Variants in FLCN observed in about 807,000 individuals in gnomAD.
FLCN encodes BHD skin lesion fibrofolliculoma protein.
A neutral mutation model predicts 62.5 loss-of-function variants in FLCN; 22 were observed. That is an observed-to-expected ratio of 0.35 (90% CI 0.25 to 0.50). The LOEUF (loss-of-function observed/expected upper bound fraction) is 0.50. Ranked by LOEUF, FLCN falls within the 20% of genes least tolerant of loss-of-function variation. The pLI is 0.97. For missense variants in FLCN, 657 were observed against 778.0 expected (o/e 0.84, Z 1.85); for synonymous variants, 319 against 310.0 (o/e 1.03, Z -0.30).
chr17:17,220,970 G>A (rs971803013), intron 8 of FLCN: 13 of 385,516 alleles, frequency 3.4e-5, no homozygotes, highest in Admixed American at 8.4e-5. Flanking sequence ...AACAATGGTC[G>A]TACCACAGAC....
chr17:17,221,056 A>G (rs2047069656), intron 8 of FLCN: 3 of 872,956 alleles, frequency 3.4e-6, no homozygotes, highest in Non-Finnish European at 4.8e-6. Flanking sequence ...GCTGGTGCAC[A>G]CAGTGCCACG....
intron 10 of FLCN, 31 bp downstream of exon 10, chr17:17,217,038 C>A (rs41340844): frequency 1.3e-6 from 2 of 1,502,472 alleles, no homozygotes; most frequent in Non-Finnish European, 9.3e-7. Flanking sequence ...TACTGCCCTG[C>A]GCCGCACACC....
Position 17,226,305 on chromosome 17 carries a change from A to G in FLCN, c.267T>C (p.Ala89=), listed in dbSNP as rs1164330919. Reference sequence around the variant, plus strand: ...GGCTGATATATCCCGGGTGCCCTGCAGCAAGTGACCGGCAGCCCTGTCCAT... The same window carrying G: ...GGCTGATATATCCCGGGTGCCCTGCGGCAAGTGACCGGCAGCCCTGTCCAT... The part of the protein sequence containing the change: ...SDMCEGCRSL[A]AGHPGYISHD... The change falls in exon 5 of 14, where the codon GCT becomes GCC. Residue 89 remains alanine (A), a synonymous_variant. Transcript: ENST00000285071. 6.2e-7 allele frequency: 1 copy of G among 1,614,226 alleles called. No homozygotes were observed.
Position 17,216,531 on chromosome 17 carries a change from A to C in FLCN, c.1177-28T>G. 1.2e-6 allele frequency: 2 copies of C among 1,613,160 alleles called. No homozygotes were observed. The highest frequency in any genetic ancestry group is 1.7e-6 in the Non-Finnish European group (2 of 1,179,790). ...GAGGAGGACAGCAGGACTCAGACCA[A>C]GGACACGAGGAAGCCCTCAGCCCCG... On this transcript the variant is annotated intron_variant, in intron 10 of 13. Transcript: ENST00000285071. This position sits in a 1 kb window ranked among gnomAD's most constrained non-coding sequence, Gnocchi z 4.0.
intron 4 of FLCN, among the ~76,000 whole-genome samples, chr17:17,226,825 T>A (rs897462884): frequency 6.6e-6 from 1 of 152,140 alleles, no homozygotes; most frequent in Admixed American, 6.5e-5. Flanking sequence ...AGCTCCAGGA[T>A]GTTGGTGTGG....
intron 1 of FLCN, chr17:17,236,123 C>T (rs1240161324): frequency 6.6e-6 from 1 of 152,252 alleles, no homozygotes; most frequent in Non-Finnish European, 1.5e-5. Flanking sequence ...CAGCAGTGGA[C>T]ACACAGCTTC....
rs773986076 is a variant in FLCN, at chr17:17,216,401, G to T, written c.1279C>A (p.Pro427Thr). 4 of 1,613,502 alleles carry T rather than the reference G, an allele frequency of 2.5e-6. No homozygotes were observed. In the Admixed American group the frequency reaches 5.0e-5, roughly 20 times the overall value. ...GCACCTGAGGAGAGCACGTGGGGGG[G>T]GATCTGCACGTGCGGGCTGAGCCCC... ...FLGLSPHVQI[P>T]PHVLSSEFAV... The change falls in exon 11 of 14, where the codon CCC becomes ACC. Residue 427 changes from proline (P) to threonine (T), a missense_variant. By Grantham distance (38) the Pro-to-Thr change is conservative (BLOSUM62 -1). Coordinates refer to ENST00000285071, the MANE Select transcript of FLCN (RefSeq NM_144997.7). The surrounding 1 kb of genome is among the most constrained non-coding windows in gnomAD (Gnocchi z 4.0).
In FLCN at chr17:17,228,105, G is replaced by C. The variant is rs754616167; in HGVS notation, c.33C>G (p.Cys11Trp). 6.2e-7 allele frequency: 1 copy of C among 1,613,254 alleles called. No individual in the cohort carries two copies. The highest frequency in any genetic ancestry group is 8.5e-7 in the Non-Finnish European group (1 of 1,180,022). Residue 11 changes from cysteine to tryptophan, a missense_variant, in exon 4 of 14, where the codon TGC (cysteine) becomes TGG (tryptophan). Physicochemically the swap from Cys to Trp is radical, Grantham distance 215 (BLOSUM62 -2). Transcript: ENST00000285071. MNAIVALCHF[C>W]ELHGPRTLFC... ...AGAGAGTGCGGGGGCCGTGGAGCTC[G>C]CAGAAGTGGCAGAGAGCCACGATGG... is the stretch of plus-strand genomic sequence containing the variant.
chr17:17,213,477 T>C lies in FLCN; in HGVS notation c.*178A>G, dbSNP rs145430714. On this transcript the variant is annotated 3_prime_UTR_variant, in exon 14 of 14. Coordinates refer to ENST00000285071, the MANE Select transcript of FLCN (RefSeq NM_144997.7). ...GCGATTCCAACGGCTGGAGGGAGAG[T>C]CTGGGAAGCACACAGGCCCCAAACC... 253 of 751,630 alleles carry C rather than the reference T, an allele frequency of 3.4e-4. 1 individual carries two copies. In the East Asian group the frequency reaches 5.7e-3, roughly 17 times the overall value. 46.6% of individuals were successfully genotyped at this position (751,630 alleles called of 1,614,324 possible).
chr17:17,215,176 G>A lies in FLCN; in HGVS notation c.1432+9C>T, dbSNP rs751683346. ...TCACAAAAAGGACACTCTGCCTGGG[G>A]GCACCCACCTCGGTCTGCAGCTACA... On this transcript the variant is annotated intron_variant, in intron 12 of 13. Coordinates refer to ENST00000285071, the MANE Select transcript of FLCN (RefSeq NM_144997.7). 2.5e-6 allele frequency: 4 copies of A among 1,613,958 alleles called. No individual in the cohort carries two copies. Among genetic ancestry groups the A allele is most frequent in the South Asian group, 1.1e-5 (1 of 91,090 alleles).
chr17:17,219,283 TG>T, intron 8 of FLCN, 74 bp from the exon 9 acceptor site: 1 of 1,291,540 alleles, frequency 7.7e-7, no homozygotes, highest in Non-Finnish European at 1.0e-6. Context: ...AGATACTTCA[TG>T]GGCTGAGCCG....
Position 17,213,739 on chromosome 17 carries a change from G to A in FLCN, c.1656C>T (p.Phe552=), listed in dbSNP as rs2144808664. 6.2e-7 allele frequency: 1 copy of A among 1,614,246 alleles called. No homozygotes were observed. Among genetic ancestry groups the A allele is most frequent in the South Asian group, 1.1e-5 (1 of 91,084 alleles). The stretch of plus-strand genomic sequence containing the variant: ...AGGTCTTGCTCAGGCCAGTCATCCA[G>A]AACTTCAGCAGCTTGACATTGTCCT... ...SEEDNVKLLK[F]WMTGLSKTYK... is the part of the protein sequence containing the mutation. The change falls in exon 14 of 14, where the codon TTC becomes TTT. Residue 552 remains phenylalanine (F), a synonymous_variant. Transcript: ENST00000285071.
chr17:17,225,937 G>A (rs762571008), intron 5 of FLCN: 8 of 644,710 alleles, frequency 1.2e-5, no homozygotes, highest in African/African-American at 5.5e-5. Flanking sequence ...ATAAAAGTTC[G>A]GTGCTTAAAG....
chr17:17,234,302 C>A (rs2145126650), intron 1 of FLCN, among the ~76,000 whole-genome samples: 1 of 151,168 alleles, frequency 6.6e-6, no homozygotes, highest in African/African-American at 2.4e-5. Flanking sequence ...ACCTCCGCCT[C>A]CCAGGTTCAA....
Position 17,215,193 on chromosome 17 carries a change from G to A in FLCN, c.1424C>T (p.Ala475Val), listed in dbSNP as rs2144836805. The change falls in exon 12 of 14, where the codon GCA (alanine) becomes GTA (valine). Residue 475 changes from alanine to valine, a missense_variant. Physicochemically the swap from Ala to Val is moderately conservative, Grantham distance 64. Coordinates refer to ENST00000285071, the MANE Select transcript of FLCN (RefSeq NM_144997.7). ...TGCCTGGGGGCACCCACCTCGGTCT[G>A]CAGCTACAGGGCTCCCACTGGTCAC... ...FVVTSGSPVA[A>V]DRVGPTILNK... 1.2e-6 allele frequency: 2 copies of A among 1,614,160 alleles called. No individual in the cohort carries two copies. The highest frequency in any genetic ancestry group is 1.7e-6 in the Non-Finnish European group (2 of 1,180,030).
Position 17,213,605 on chromosome 17 carries a change from A to G in FLCN, c.*50T>C, listed in dbSNP as rs1216575721. 1 of 1,609,548 alleles carries G rather than the reference A, an allele frequency of 6.2e-7. No individual in the cohort carries two copies. The highest frequency in any genetic ancestry group is 1.1e-5 in the South Asian group (1 of 90,966). On this transcript the variant is annotated 3_prime_UTR_variant, in exon 14 of 14. Transcript: ENST00000285071. Reference sequence around the variant, plus strand: ...GGGACAGTCCCTCTCACGGGGCTGGAGGATCCTGTGGACAGCCATCCCTGT... The same window carrying G: ...GGGACAGTCCCTCTCACGGGGCTGGGGGATCCTGTGGACAGCCATCCCTGT...
intron 5 of FLCN, chr17:17,225,222 A>C (rs1243731281): frequency 6.6e-6 from 1 of 152,296 alleles, no homozygotes; most frequent in African/African-American, 2.4e-5. Flanking sequence ...GATAATAAAA[A>C]AAGGTGATGT....
intron 7 of FLCN, 38 bp downstream of exon 7, chr17:17,222,463 A>G: frequency 6.2e-7 from 1 of 1,613,858 alleles, no homozygotes; most frequent in Non-Finnish European, 8.5e-7. Flanking sequence ...TGACTGCTCT[A>G]TCCTAACAGA....
Position 17,226,269 on chromosome 17 carries a change from C to G in FLCN, c.303G>C (p.Glu101Asp), listed in dbSNP as rs910566279. Residue 101 changes from glutamate (E) to aspartate (D), a missense_variant, in exon 5 of 14, where the codon GAG becomes GAC. By Grantham distance (45) the Glu-to-Asp change is conservative. Coordinates refer to ENST00000285071, the MANE Select transcript of FLCN (RefSeq NM_144997.7). ...GHPGYISHDK[E>D]TSIKYVSHQH... ...GGTGGCTGACGTATTTAATGGAGGT[C>G]TCTTTATCATGGCTGATATATCCCG... The G allele has an allele frequency of 1.1e-5, 17 of 1,614,104 alleles. No homozygotes were observed. The Admixed American group carries it at 1.8e-4, about 17-fold the overall frequency.
Sources: allele counts gnomAD v4.1 joint callset (sites outside exome capture counted in the v4.1 genomes callset), GRCh38; gene constraint gnomAD v4.1.1; non-coding constraint Gnocchi (gnomAD v3.1); transcripts MANE v1.5; gene names NCBI Gene and HGNC (gene_info 2026-07-23, HGNC 2026-07-21).